RSU1: variants seen among roughly 807,000 people sequenced by gnomAD.
RSU1 encodes the protein Ras suppressor protein 1, also known as rsu-1.
A neutral mutation model predicts 31.1 loss-of-function variants in RSU1; 26 were observed. The ratio of observed to expected loss-of-function variants is 0.84; its 90% CI spans 0.61 to 1.16. RSU1 has a LOEUF of 1.16. Ranked by LOEUF, RSU1 falls within the 50% of genes most tolerant of loss-of-function variation. The pLI is 0.00. For missense variants in RSU1, 320 were observed against 339.1 expected, an observed-to-expected ratio of 0.94 and a Z score of 0.44; for synonymous variants, 164 against 136.3, an observed-to-expected ratio of 1.20 and a Z score of -1.41.
At chr10:16,789,532 T>G (rs186462337) in intron 2 of RSU1, among the ~76,000 whole-genome samples, 1 of 152,304 alleles carries the variant, frequency 6.6e-6, no homozygotes, top group Admixed American at 6.5e-5. Context: ...CACTCGGGAA[T>G]GGTGAGTTCA....
At chr10:16,686,764 G>A (rs1226927998) in intron 8 of RSU1, among the ~76,000 whole-genome samples, 1 of 152,136 alleles carries the variant, frequency 6.6e-6, no homozygotes. Flanking sequence ...GAGAGACTGA[G>A]ATAGTTTTAC....
At chr10:16,801,646 A>C (rs1394620540) in intron 2 of RSU1, among the ~76,000 whole-genome samples, 1 of 152,106 alleles carries the variant, frequency 6.6e-6, no homozygotes, top group African/African-American at 2.4e-5. Context: ...CTGGGCCATA[A>C]AACACCCCTT....
At position 16,595,836 on chromosome 10, in the gene RSU1, G is replaced by GT. The variant is rs564693041; in HGVS notation, c.732-2341dup. Among the ~76,000 whole-genome samples, 31 of 151,446 alleles carry GT rather than the reference G, an allele frequency of 2.0e-4. 1 individual carries two copies. The South Asian group carries it at 3.9e-3, about 19-fold the overall frequency. Reference sequence around the variant, plus strand: ...AAGAAAAAATTAGCTGCGCATAGTGGTGCATGCCTGTAGTCCCAGCTACTC... The same window carrying GT: ...AAGAAAAAATTAGCTGCGCATAGTGGTTGCATGCCTGTAGTCCCAGCTACTC... On this transcript the variant is annotated intron_variant, in intron 8 of 8. Transcript: ENST00000345264.
At chr10:16,778,895 A>G (rs889978164) in intron 3 of RSU1, among the ~76,000 whole-genome samples, 1 of 152,222 alleles carries the variant, frequency 6.6e-6, no homozygotes, top group African/African-American at 2.4e-5. Flanking sequence ...CCAGGTGCGT[A>G]CTGCATCACA....
rs1401275379 is a variant in RSU1 at position 16,593,184 on chromosome 10, A to AAGAT, written c.*209_*210insATCT. 8 of 901,252 alleles carry AAGAT rather than the reference A, an allele frequency of 8.9e-6. No individual in the cohort carries two copies. Among genetic ancestry groups the AAGAT allele is most frequent in the Non-Finnish European group, 1.2e-5 (8 of 656,684 alleles). 55.8% of individuals were successfully genotyped at this position (901,252 alleles called of 1,614,324 possible). A position where few individuals can be genotyped will look rare whatever the true frequency, so the allele number is the denominator to read the frequency against. On this transcript the variant is annotated 3_prime_UTR_variant, in exon 9 of 9. Transcript: ENST00000345264. ...TCCCTGCTTTTGGTAATGTTAAAGA[A>AAGAT]ACAAATGGAAATGGTTTAAAGACCT...
At chr10:16,798,829 C>G (rs572851147) in intron 2 of RSU1, among the ~76,000 whole-genome samples, 1 of 151,910 alleles carries the variant, frequency 6.6e-6, no homozygotes, top group Non-Finnish European at 1.5e-5. Flanking sequence ...TCAAACAATG[C>G]TTTATGCCAG....
At chr10:16,709,525 T>A (rs1299237991) in intron 7 of RSU1, among the ~76,000 whole-genome samples, 1 of 152,196 alleles carries the variant, frequency 6.6e-6, no homozygotes, top group Non-Finnish European at 1.5e-5. Flanking sequence ...ATGGGATGGC[T>A]GGGTCAAATG....
intron 8 of RSU1, among the ~76,000 whole-genome samples, chr10:16,692,511 T>C (rs933759193): frequency 6.6e-6 from 1 of 152,214 alleles, no homozygotes; most frequent in Non-Finnish European, 1.5e-5. Context: ...TTTTTCTGTA[T>C]ACTATCATAT....
At chr10:16,626,606 C>A (rs1379539135) in intron 8 of RSU1, among the ~76,000 whole-genome samples, 1 of 152,190 alleles carries the variant, frequency 6.6e-6, no homozygotes, top group African/African-American at 2.4e-5. Context: ...TGGGGTCAGA[C>A]AGATCAGAGT....
chr10:16,780,541 C>A (rs574376404), intron 3 of RSU1, among the ~76,000 whole-genome samples: 14 of 152,314 alleles, frequency 9.2e-5, no homozygotes, highest in Admixed American at 3.9e-4. Context: ...CTGATCCTGG[C>A]CAGTTTTGCT....
chr10:16,816,519 T>A (rs1325262855), intron 2 of RSU1, among the ~76,000 whole-genome samples: 1 of 152,150 alleles, frequency 6.6e-6, no homozygotes, highest in African/African-American at 2.4e-5. Context: ...GTTCGGAGAA[T>A]AAATACTCAG....
chr10:16,597,597 C>G (rs1189967675), intron 8 of RSU1, among the ~76,000 whole-genome samples: 1 of 152,154 alleles, frequency 6.6e-6, no homozygotes, highest in Non-Finnish European at 1.5e-5. Flanking sequence ...CCATGGCAAA[C>G]CTACTGGAAG....
chr10:16,680,593 C>G (rs907171025), intron 8 of RSU1, among the ~76,000 whole-genome samples: 1 of 151,898 alleles, frequency 6.6e-6, no homozygotes, highest in African/African-American at 2.4e-5. Context: ...TGTCACGTGG[C>G]AAAAGCAGGA....
intron 7 of RSU1, among the ~76,000 whole-genome samples, chr10:16,705,110 G>A (rs957141623): frequency 1.3e-5 from 2 of 151,982 alleles, no homozygotes; most frequent in African/African-American, 4.8e-5. Context: ...TCATATACAT[G>A]GAATAACACA....
chr10:16,726,007 A>G (rs932496818), intron 7 of RSU1, among the ~76,000 whole-genome samples: 6 of 151,808 alleles, frequency 4.0e-5, no homozygotes, highest in Admixed American at 3.3e-4. Context: ...CATAGAATGT[A>G]GATACATATG....
intron 2 of RSU1, among the ~76,000 whole-genome samples, chr10:16,814,290 A>G (rs1468288471): frequency 6.6e-6 from 1 of 152,026 alleles, no homozygotes; most frequent in Non-Finnish European, 1.5e-5. Flanking sequence ...GAAATAAAAA[A>G]TAAAACCATT....
At chr10:16,722,797 TATAC>T (rs1326019093) in intron 7 of RSU1, among the ~76,000 whole-genome samples, 1 of 151,548 alleles carries the variant, frequency 6.6e-6, no homozygotes, top group African/African-American at 2.4e-5. Flanking sequence ...TGTGTGTCTA[TATAC>T]ATATATACAC....
chr10:16,785,626 C>T (rs117804831), intron 2 of RSU1, among the ~76,000 whole-genome samples: 16,660 of 151,386 alleles, frequency 0.11, 1,283 homozygotes, highest in East Asian at 0.23. Flanking sequence ...TCCCACCAGG[C>T]CCCACCTCCA....
At chr10:16,680,806 C>T (rs1277093330) in intron 8 of RSU1, among the ~76,000 whole-genome samples, 4 of 152,136 alleles carry the variant, frequency 2.6e-5, no homozygotes, top group East Asian at 1.9e-4. Flanking sequence ...GATTTGGGTG[C>T]GGACAGATAT....
Sources: allele counts gnomAD v4.1 joint callset (sites outside exome capture counted in the v4.1 genomes callset), GRCh38; gene constraint gnomAD v4.1.1; transcripts MANE v1.5; gene names NCBI Gene and HGNC (gene_info 2026-07-23, HGNC 2026-07-21).